Variants in METTL5 observed in about 807,000 individuals in gnomAD.
The protein encoded by METTL5 is rRNA N(6)-adenosine-methyltransferase METTL5.
METTL5 carries 28 observed loss-of-function variants against 26.5 expected under a neutral mutation model. That is an observed-to-expected ratio of 1.06 (90% CI 0.78 to 1.45). The LOEUF is 1.45. METTL5 is among the 40% of genes most tolerant of loss of function. The pLI, the probability that METTL5 is intolerant of heterozygous loss-of-function variation, is 0.00. For synonymous variants in METTL5, 86 were observed against 82.6 expected (o/e 1.04, Z -0.22); for missense variants, 231 against 249.9 (o/e 0.92, Z 0.51).
rs113299209 is a variant in METTL5, at chr2:169,824,328, C to T, written c.109+161G>A. 2.1e-5 allele frequency: 13 copies of T among 614,034 alleles called. No individual in the cohort carries two copies. In the African/African-American group the frequency reaches 2.2e-4, roughly 10 times the overall value. The allele number at this position is 614,034 out of a possible 1,614,324, so 38.0% of individuals were successfully genotyped here. On this transcript the variant is annotated intron_variant, in intron 1 of 6. Coordinates refer to ENST00000260953, the MANE Select transcript of METTL5 (RefSeq NM_014168.4). Reference sequence around the variant, plus strand: ...AGTGTGTATGTCTGTGGAGGGTGTGCCTTGAGCTGCAGTGTCAAGGAAGGC... The same window carrying T: ...AGTGTGTATGTCTGTGGAGGGTGTGTCTTGAGCTGCAGTGTCAAGGAAGGC...
intron 6 of METTL5, 120 bp from the exon 7 acceptor site, chr2:169,811,978 AT>A (rs1168546493): frequency 1.7e-6 from 2 of 1,165,808 alleles, no homozygotes; most frequent in Non-Finnish European, 2.4e-6. Context: ...CAAAAGGAAG[AT>A]TCTTCCATTA....
intron 4 of METTL5, among the ~76,000 whole-genome samples, chr2:169,816,917 A>G (rs1331716502): frequency 6.6e-6 from 1 of 152,270 alleles, no homozygotes; most frequent in African/African-American, 2.4e-5. Context: ...AGCAATGGCA[A>G]CAAAGCCAAA....
intron 1 of METTL5, among the ~76,000 whole-genome samples, chr2:169,823,842 T>A (rs531622048): frequency 6.6e-6 from 1 of 152,082 alleles, no homozygotes. Context: ...ATAATAAAAT[T>A]TTTTTCCCCT....
chr2:169,819,831 C>A (rs1389997878), intron 3 of METTL5, among the ~76,000 whole-genome samples, 188 bp from the exon 4 acceptor site: 2 of 151,894 alleles, frequency 1.3e-5, no homozygotes, highest in African/African-American at 2.4e-5. Flanking sequence ...ATTATACTGT[C>A]TTGGTTAAAT....
intron 1 of METTL5, among the ~76,000 whole-genome samples, chr2:169,822,951 A>G (rs1373646288): frequency 1.3e-5 from 2 of 152,140 alleles, no homozygotes; most frequent in Non-Finnish European, 2.9e-5. Context: ...CCCAGCAAGG[A>G]CTGTTGGCCA....
chr2:169,824,012 T>G (rs1353716083), intron 1 of METTL5, among the ~76,000 whole-genome samples: 1 of 152,250 alleles, frequency 6.6e-6, no homozygotes. Flanking sequence ...CTGATTTTGT[T>G]AAACTATCAT....
intron 4 of METTL5, among the ~76,000 whole-genome samples, chr2:169,818,044 CA>C (rs1376765640): frequency 1.1e-4 from 17 of 152,148 alleles, no homozygotes; most frequent in African/African-American, 4.1e-4. Context: ...GGAAGCCTCC[CA>C]CTCCCTACTC....
rs2081629134 is a variant in METTL5, at chr2:169,824,640, T to C, written c.-43A>G. The stretch of plus-strand genomic sequence containing the variant: ...ACTCGTAGGGTTTGAAGGCACAGGA[T>C]CTGCGGAGAAATCTATTGAACTGGG... On this transcript the variant is annotated 5_prime_UTR_variant, in exon 1 of 7. Coordinates refer to ENST00000260953, the MANE Select transcript of METTL5 (RefSeq NM_014168.4). The C allele has an allele frequency of 7.0e-7, 1 of 1,432,530 alleles. No homozygotes were observed. Among genetic ancestry groups the C allele is most frequent in the Non-Finnish European group, 9.9e-7 (1 of 1,014,684 alleles). The allele number at this position is 1,432,530 out of a possible 1,614,324, so 88.7% of individuals were successfully genotyped here. A position where few individuals can be genotyped will look rare whatever the true frequency, so the allele number is the denominator to read the frequency against.
intron 1 of METTL5, chr2:169,824,185 G>A (rs938847293): frequency 7.2e-6 from 2 of 279,100 alleles, no homozygotes; most frequent in African/African-American, 2.1e-5. Flanking sequence ...ATTCAAGTAT[G>A]AACAAGTCTA....
At chr2:169,814,477 A>AAAAAAAAAAAAAG (rs1319630415) in intron 5 of METTL5, among the ~76,000 whole-genome samples, 1 of 149,598 alleles carries the variant, frequency 6.7e-6, no homozygotes, top group African/African-American at 2.5e-5. Flanking sequence ...TCAAAAAAAA[A>AAAAAAAAAAAAAG]AAAAGAAAAA....
intron 5 of METTL5, among the ~76,000 whole-genome samples, chr2:169,814,369 C>G (rs1316068580): frequency 6.9e-6 from 1 of 144,444 alleles, no homozygotes; most frequent in Non-Finnish European, 1.5e-5. Flanking sequence ...TGCCTGTAGT[C>G]CCAACTATTT....
intron 5 of METTL5, among the ~76,000 whole-genome samples, chr2:169,813,335 T>C (rs1690042579): frequency 6.6e-6 from 1 of 151,658 alleles, no homozygotes; most frequent in Non-Finnish European, 1.5e-5. Context: ...TTCACTATGT[T>C]AGCCAGGATG....
At chr2:169,817,453 A>G (rs2081524196) in intron 4 of METTL5, among the ~76,000 whole-genome samples, 1 of 152,218 alleles carries the variant, frequency 6.6e-6, no homozygotes, top group Admixed American at 6.5e-5. Context: ...AGGGTTATAA[A>G]TCATGCTGCT....
At chr2:169,812,600 GT>G in intron 5 of METTL5, 94 bp from the exon 6 acceptor site, 5 of 1,368,000 alleles carry the variant, frequency 3.7e-6, no homozygotes, top group Non-Finnish European at 5.0e-6. Context: ...TAAGAAAAGT[GT>G]TAAGTGCTGG....
rs551613800 is a variant in METTL5 at position 169,824,880 on chromosome 2, C to T, written c.-283G>A. The T allele has an allele frequency of 3.0e-4, 67 of 220,826 alleles. No homozygotes were observed. The South Asian group carries it at 8.6e-3, about 28-fold the overall frequency. 13.7% of individuals were successfully genotyped at this position (220,826 alleles called of 1,614,324 possible). ...CACGACCACGCACCTCTGGAGGCGA[C>T]CCGCACCTCGGCCGGTGCCGGAAGC... On this transcript the variant is annotated 5_prime_UTR_variant, in exon 1 of 7. Transcript: ENST00000260953.
At position 169,822,052 on chromosome 2, in the gene METTL5, T is replaced by G; in HGVS notation, c.115A>C (p.Met39Leu). ...YPTRPHIAAC[M>L]LYTIHNTYDD... ...TAAGTGTTATGGATTGTATAGAGCATACATGCTAAAAAATAAAAAAAAAAA... is the reference window on the plus strand; with the variant it reads ...TAAGTGTTATGGATTGTATAGAGCAGACATGCTAAAAAATAAAAAAAAAAA... The change falls in exon 2 of 7, where the codon ATG becomes CTG. Residue 39 changes from methionine to leucine, a missense_variant. Physicochemically the swap from Met to Leu is conservative, Grantham distance 15. Transcript: ENST00000260953. 6.3e-7 allele frequency: 1 copy of G among 1,594,028 alleles called. No individual in the cohort carries two copies. Among genetic ancestry groups the G allele is most frequent in the Non-Finnish European group, 8.5e-7 (1 of 1,175,670 alleles).
intron 3 of METTL5, among the ~76,000 whole-genome samples, chr2:169,820,247 C>T (rs1231219884): frequency 1.3e-5 from 2 of 152,158 alleles, no homozygotes; most frequent in East Asian, 1.9e-4. Flanking sequence ...TGAGCCACCA[C>T]GCCCGGCCAA....
At chr2:169,821,903 A>C (rs753456792) in intron 2 of METTL5, 40 bp downstream of exon 2, 32 of 1,582,740 alleles carry the variant, frequency 2.0e-5, no homozygotes, top group Middle Eastern at 1.7e-4. Flanking sequence ...TCCTTATTAA[A>C]GCCACCCAAT....
chr2:169,813,707 T>TAAA (rs1417384342), intron 5 of METTL5, among the ~76,000 whole-genome samples: 1 of 150,744 alleles, frequency 6.6e-6, no homozygotes, highest in East Asian at 2.0e-4. Flanking sequence ...ATAATAATAA[T>TAAA]AAAAAAAACA....
Sources: gnomAD v4.1 joint callset for allele counts (sites outside exome capture counted in the v4.1 genomes callset) on GRCh38, gnomAD v4.1.1 for gene constraint, MANE v1.5 for transcripts, NCBI Gene and HGNC (gene_info 2026-07-23, HGNC 2026-07-21) for gene names.